SLC35F4: variants seen among roughly 807,000 people sequenced by gnomAD.
The protein encoded by SLC35F4 is chromosome 14 open reading frame 36.
SLC35F4 carries 24 observed loss-of-function variants against 44.2 expected under a neutral mutation model. The ratio of observed to expected loss-of-function variants is 0.54; its 90% CI spans 0.39 to 0.76. The LOEUF (loss-of-function observed/expected upper bound fraction) is 0.76, where lower values mean the gene tolerates loss of function less well. SLC35F4 is among the 30% of genes least tolerant of loss of function. The probability of loss-of-function intolerance (pLI) is 0.00; values close to 1 mark genes in which losing one functional copy is unlikely to be tolerated. For missense variants in SLC35F4, 562 were observed against 586.1 expected (o/e 0.96, Z 0.42); for synonymous variants, 238 against 223.6 (o/e 1.06, Z -0.57).
chr14:57,746,608 T>G (rs991319137), intron 1 of SLC35F4, among the ~76,000 whole-genome samples: 2 of 151,842 alleles, frequency 1.3e-5, no homozygotes, highest in African/African-American at 4.8e-5. Flanking sequence ...AATTGTTTTT[T>G]CTTGTCATAT....
chr14:57,732,481 G>A (rs151086669), intron 1 of SLC35F4, among the ~76,000 whole-genome samples: 1 of 152,262 alleles, frequency 6.6e-6, no homozygotes, highest in East Asian at 1.9e-4. Context: ...ATTAAGACAA[G>A]CTAAATGTTC....
intron 1 of SLC35F4, among the ~76,000 whole-genome samples, chr14:57,792,571 C>A (rs1595076121): frequency 1.3e-5 from 2 of 152,084 alleles, no homozygotes; most frequent in East Asian, 3.9e-4. Flanking sequence ...TATATGCACA[C>A]ACATACCATG....
At chr14:57,620,999 C>T (rs547961497) in intron 1 of SLC35F4, among the ~76,000 whole-genome samples, 1 of 151,710 alleles carries the variant, frequency 6.6e-6, no homozygotes, top group East Asian at 1.9e-4. Context: ...GTACAAAAAT[C>T]ACAAGCATTC....
intron 1 of SLC35F4, among the ~76,000 whole-genome samples, chr14:57,703,640 G>A (rs1393225767): frequency 3.3e-5 from 5 of 152,110 alleles, no homozygotes; most frequent in Non-Finnish European, 5.9e-5. Context: ...CCTTAAGCAC[G>A]TCTATTTCCC....
In SLC35F4 at chr14:57,672,364, T is replaced by G. The variant is rs374234506; in HGVS notation, c.104-78240A>C. On this transcript the variant is annotated intron_variant, in intron 1 of 7. Transcript: ENST00000556826. ...GATTTAAAAGTGAAAAATCAAGAAT[T>G]ATAACAACTGATCTCAACAAGAGCT... 5.9e-5 allele frequency among the ~76,000 whole-genome samples: 9 copies of G among 152,164 alleles called. No individual in the cohort carries two copies. In the East Asian group the frequency reaches 1.7e-3, roughly 29 times the overall value.
chr14:57,588,589 A>G (rs1437239879), intron 3 of SLC35F4, among the ~76,000 whole-genome samples: 1 of 152,188 alleles, frequency 6.6e-6, no homozygotes, highest in Non-Finnish European at 1.5e-5. Flanking sequence ...CTGGAACCAT[A>G]AGACTTTAAG....
At chr14:57,769,043 T>C in intron 1 of SLC35F4, among the ~76,000 whole-genome samples, 1 of 152,308 alleles carries the variant, frequency 6.6e-6, no homozygotes, top group African/African-American at 2.4e-5. Flanking sequence ...TAAAGAGTAC[T>C]GTTTGTAAGG....
chr14:57,970,938 G>T (rs1013954951), intron 1 of SLC35F4, among the ~76,000 whole-genome samples: 5 of 152,190 alleles, frequency 3.3e-5, no homozygotes, highest in African/African-American at 9.6e-5. Context: ...CTTAAATCCA[G>T]TTCCAGTTAG....
At chr14:57,653,565 G>C (rs17093501) in intron 1 of SLC35F4, among the ~76,000 whole-genome samples, 2,070 of 152,226 alleles carry the variant, frequency 0.014, 49 homozygotes, top group African/African-American at 0.047. Context: ...CTGGGTCTTT[G>C]ACATACTTTC....
intron 1 of SLC35F4, among the ~76,000 whole-genome samples, chr14:57,848,356 G>A (rs1204332245): frequency 1.3e-5 from 2 of 152,152 alleles, no homozygotes; most frequent in Non-Finnish European, 2.9e-5. Flanking sequence ...TGAAGACTGC[G>A]GTGCTATACC....
chr14:57,805,654 AG>A (rs746465495), intron 1 of SLC35F4, among the ~76,000 whole-genome samples: 6 of 152,100 alleles, frequency 3.9e-5, no homozygotes, highest in Non-Finnish European at 7.4e-5. Context: ...AGCATCAGGA[AG>A]AACAGCTAAT....
At chr14:57,644,824 CA>C (rs1228700022) in intron 1 of SLC35F4, among the ~76,000 whole-genome samples, 1 of 152,188 alleles carries the variant, frequency 6.6e-6, no homozygotes, top group African/African-American at 2.4e-5. Flanking sequence ...GATCCAGTTT[CA>C]GCTTACTACA....
intron 1 of SLC35F4, among the ~76,000 whole-genome samples, chr14:57,611,166 T>C (rs931746449): frequency 3.3e-5 from 5 of 152,142 alleles, no homozygotes; most frequent in African/African-American, 9.7e-5. Flanking sequence ...TGGTGTGTTA[T>C]AGGAACTAAA....
chr14:57,686,838 T>C (rs997379745), intron 1 of SLC35F4, among the ~76,000 whole-genome samples: 1 of 152,210 alleles, frequency 6.6e-6, no homozygotes, highest in African/African-American at 2.4e-5. Context: ...TTATTTTCTT[T>C]CTAGGTTTGT....
At chr14:57,677,334 C>A (rs978896711) in intron 1 of SLC35F4, among the ~76,000 whole-genome samples, 7 of 151,232 alleles carry the variant, frequency 4.6e-5, no homozygotes, top group African/African-American at 1.7e-4. Flanking sequence ...ATGGGTGCAC[C>A]AAAACCTCAG....
chr14:57,702,037 T>A (rs1477637722), intron 1 of SLC35F4, among the ~76,000 whole-genome samples: 1 of 152,118 alleles, frequency 6.6e-6, no homozygotes, highest in Non-Finnish European at 1.5e-5. Context: ...TAAGTTTGAT[T>A]AGAGGGTGGT....
At position 57,865,908 on chromosome 14, in the gene SLC35F4, C is replaced by T; in HGVS notation, c.-83G>A. 2 of 949,478 alleles carry T rather than the reference C, an allele frequency of 2.1e-6. No homozygotes were observed. Among genetic ancestry groups the T allele is most frequent in the Non-Finnish European group, 3.0e-6 (2 of 670,614 alleles). The allele number at this position is 949,478 out of a possible 1,614,324, so 58.8% of individuals were successfully genotyped here. A position where few individuals can be genotyped will look rare whatever the true frequency, so the allele number is the denominator to read the frequency against. ...CGGGAGCTGGTGCAGGTGCCGGAGC[C>T]GCTGGTGCTGATCTTGCAGCTCCTG... On this transcript the variant is annotated 5_prime_UTR_variant, in exon 1 of 8. Coordinates refer to ENST00000556826, the MANE Select transcript of SLC35F4 (RefSeq NM_001306087.2).
intron 1 of SLC35F4, among the ~76,000 whole-genome samples, chr14:57,629,063 C>G (rs139594428): frequency 4.6e-5 from 7 of 152,062 alleles, no homozygotes; most frequent in Non-Finnish European, 1.0e-4. Context: ...GAGACATGGT[C>G]GGAGCTAAGG....
At chr14:57,685,359 A>G (rs937951299) in intron 1 of SLC35F4, among the ~76,000 whole-genome samples, 1 of 152,116 alleles carries the variant, frequency 6.6e-6, no homozygotes. Context: ...CTCCAAATTT[A>G]TTTAGGTTAC....
Sources: gnomAD v4.1 joint callset for allele counts (sites outside exome capture counted in the v4.1 genomes callset) on GRCh38, gnomAD v4.1.1 for gene constraint, MANE v1.5 for transcripts, NCBI Gene and HGNC (gene_info 2026-07-23, HGNC 2026-07-21) for gene names.